SNX29: variants seen among roughly 807,000 people sequenced by gnomAD.
SNX29 encodes the protein sorting nexin 29, also known as sorting nexin-29.
SNX29 carries 78 observed loss-of-function variants against 102.1 expected under a neutral mutation model. The observed-to-expected ratio is 0.76, with a 90% CI of 0.64 to 0.92. SNX29 has a LOEUF of 0.92. SNX29 is among the 40% of genes least tolerant of loss of function. The pLI, the probability that SNX29 is intolerant of heterozygous loss-of-function variation, is 0.00. For synonymous variants in SNX29, 580 were observed against 414.5 expected (o/e 1.40, Z -4.85); for missense variants, 1,280 against 1,061.7 (o/e 1.21, Z -2.86).
intron 11 of SNX29, chr16:12,087,805 T>C (rs1387035086): frequency 6.6e-6 from 3 of 455,674 alleles, no homozygotes; most frequent in South Asian, 3.1e-5. Flanking sequence ...GCAGCTTCCA[T>C]ATCCAGCTGT....
chr16:12,061,502 C>A, intron 8 of SNX29, 26 bp from the exon 9 acceptor site: 1 of 1,558,084 alleles, frequency 6.4e-7, no homozygotes, highest in Non-Finnish European at 8.7e-7. Context: ...TTTGGCCTGT[C>A]CTGCAGCTGT....
At chr16:12,121,178 G>T (rs907733163) in intron 11 of SNX29, among the ~76,000 whole-genome samples, 1 of 152,258 alleles carries the variant, frequency 6.6e-6, no homozygotes, top group Admixed American at 6.5e-5. Flanking sequence ...TGGGGGTGGG[G>T]CTTTGGTGGG....
At chr16:12,343,003 G>A (rs531800743) in intron 15 of SNX29, among the ~76,000 whole-genome samples, 1 of 152,290 alleles carries the variant, frequency 6.6e-6, no homozygotes, top group African/African-American at 2.4e-5. Flanking sequence ...ACTCTCAAAG[G>A]AAAACAACAT....
intron 9 of SNX29, among the ~76,000 whole-genome samples, chr16:12,066,227 T>A (rs1415424794): frequency 1.3e-5 from 2 of 152,184 alleles, no homozygotes; most frequent in East Asian, 3.9e-4. Context: ...TTAGCAAGGA[T>A]GACAGGGAAC....
At chr16:12,296,122 G>C (rs1029521553) in intron 15 of SNX29, among the ~76,000 whole-genome samples, 1 of 152,164 alleles carries the variant, frequency 6.6e-6, no homozygotes, top group African/African-American at 2.4e-5. Flanking sequence ...AGCTTTTAAA[G>C]TTAATGGAAA....
intron 15 of SNX29, among the ~76,000 whole-genome samples, chr16:12,281,184 G>C (rs549777744): frequency 6.6e-6 from 1 of 152,290 alleles, no homozygotes; most frequent in South Asian, 2.1e-4. Context: ...AAAGTGCTGG[G>C]ATCACAAGTG....
rs36212472 is a variant in SNX29 at position 12,125,605 on chromosome 16, C to CTTTT, written c.1403-995_1403-992dup. On this transcript the variant is annotated intron_variant, in intron 11 of 20. Coordinates refer to ENST00000566228, the MANE Select transcript of SNX29 (RefSeq NM_032167.5). ...AGGGGGGCTTGTGGCTGAGATCTCT[C>CTTTT]TTTTTTTTTTTTTTTTTTTTTTTTT... is the stretch of plus-strand genomic sequence containing the variant. Among the ~76,000 whole-genome samples the CTTTT allele has an allele frequency of 8.8e-5, 4 of 45,452 alleles. 1 individual carries two copies. The highest frequency in any genetic ancestry group is 1.7e-4 in the Non-Finnish European group (4 of 24,226). 29.8% of individuals were successfully genotyped at this position (45,452 alleles called of 152,430 possible).
chr16:12,385,562 T>C (rs1202681119), intron 16 of SNX29, among the ~76,000 whole-genome samples: 1 of 152,226 alleles, frequency 6.6e-6, no homozygotes, highest in African/African-American at 2.4e-5. Context: ...GCCTCTGCTC[T>C]CTGCCAGGTG....
intron 15 of SNX29, among the ~76,000 whole-genome samples, chr16:12,331,523 G>T (rs1358862324): frequency 6.6e-6 from 1 of 152,124 alleles, no homozygotes; most frequent in Non-Finnish European, 1.5e-5. Context: ...TTCCCCACCT[G>T]TGAAATGAGA....
chr16:12,435,566 T>G lies in SNX29; in HGVS notation c.2037+32037T>G, dbSNP rs145848917. Among the ~76,000 whole-genome samples the G allele has an allele frequency of 3.3e-5, 5 of 152,298 alleles. 1 individual carries two copies. Among genetic ancestry groups the G allele is most frequent in the Admixed American group, 6.5e-5 (1 of 15,304 alleles). ...TAGACATCTCTTGGGACATAGCTGT[T>G]TCAGGACACAGTCTAGAAAACACCA... On this transcript the variant is annotated intron_variant, in intron 18 of 20. Coordinates refer to ENST00000566228, the MANE Select transcript of SNX29 (RefSeq NM_032167.5).
intron 13 of SNX29, among the ~76,000 whole-genome samples, chr16:12,167,736 A>T (rs2076050258): frequency 6.6e-6 from 1 of 152,234 alleles, no homozygotes; most frequent in African/African-American, 2.4e-5. Flanking sequence ...TGTTGAAGGT[A>T]ACAAGCCGGG....
intron 3 of SNX29, among the ~76,000 whole-genome samples, chr16:12,015,342 G>A (rs575825562): frequency 6.6e-6 from 1 of 152,196 alleles, no homozygotes; most frequent in East Asian, 1.9e-4. Flanking sequence ...TCTGGTTCAA[G>A]TGATTCTCCT....
intron 18 of SNX29, among the ~76,000 whole-genome samples, chr16:12,449,230 A>C (rs190313567): frequency 4.3e-4 from 65 of 152,124 alleles, no homozygotes; most frequent in African/African-American, 1.3e-3. Context: ...GTTGGGTAGA[A>C]TTGAGGAGAG....
At chr16:12,424,768 C>A (rs186669666) in intron 18 of SNX29, among the ~76,000 whole-genome samples, 1 of 152,182 alleles carries the variant, frequency 6.6e-6, no homozygotes, top group Non-Finnish European at 1.5e-5. Context: ...TCTCCCCTCT[C>A]TATACCTTCC....
At chr16:12,185,964 G>C (rs180923780) in intron 13 of SNX29, among the ~76,000 whole-genome samples, 13 of 152,352 alleles carry the variant, frequency 8.5e-5, no homozygotes, top group African/African-American at 2.9e-4. Context: ...TGCTGGAATT[G>C]TCACAGAGGA....
At chr16:12,085,450 C>T (rs563586762) in intron 11 of SNX29, among the ~76,000 whole-genome samples, 177 of 152,294 alleles carry the variant, frequency 1.2e-3, no homozygotes, top group African/African-American at 3.6e-3. Flanking sequence ...CCTCTGCCTT[C>T]GGAGTAGCTG....
At chr16:12,330,829 G>A (rs1277835135) in intron 15 of SNX29, among the ~76,000 whole-genome samples, 1 of 150,776 alleles carries the variant, frequency 6.6e-6, no homozygotes, top group Non-Finnish European at 1.5e-5. Flanking sequence ...GGAGGAGTTT[G>A]GGTGCAGCTT....
chr16:12,138,448 T>A (rs2054744206), intron 13 of SNX29, among the ~76,000 whole-genome samples: 1 of 152,102 alleles, frequency 6.6e-6, no homozygotes, highest in Non-Finnish European at 1.5e-5. Flanking sequence ...CCTCAAGTAA[T>A]CTGCCTGCCT....
At chr16:12,237,409 C>T (rs1329907580) in intron 14 of SNX29, among the ~76,000 whole-genome samples, 3 of 152,208 alleles carry the variant, frequency 2.0e-5, no homozygotes, top group African/African-American at 7.2e-5. Context: ...GGACATTTCA[C>T]GTTTTTCGTG....
Sources: allele counts gnomAD v4.1 joint callset (sites outside exome capture counted in the v4.1 genomes callset), GRCh38; gene constraint gnomAD v4.1.1; transcripts MANE v1.5; gene names NCBI Gene and HGNC (gene_info 2026-07-23, HGNC 2026-07-21).